The following PPARG variants were observed in gnomAD, a reference collection of about 807,000 sequenced individuals.
PPARG encodes the protein peroxisome proliferator-activated receptor gamma.
A neutral mutation model predicts 39.2 loss-of-function variants in PPARG; 17 were observed. That is an observed-to-expected ratio of 0.43 (90% CI 0.30 to 0.65). PPARG has a LOEUF of 0.65. PPARG is among the 30% of genes least tolerant of loss of function. The pLI is 0.13. For synonymous variants in PPARG, 223 were observed against 215.7 expected (o/e 1.03, Z -0.30); for missense variants, 406 against 585.9 (o/e 0.69, Z 3.17).
intron 7 of PPARG, 91 bp downstream of exon 7, chr3:12,417,245 A>G (rs1290070496): frequency 3.1e-6 from 4 of 1,298,916 alleles, no homozygotes; most frequent in Non-Finnish European, 4.3e-6. Flanking sequence ...GTTAGTCTGC[A>G]TTGTCACTTT....
At chr3:12,301,479 T>C (rs2046924490) in intron 1 of PPARG, 3 of 152,214 alleles carry the variant, frequency 2.0e-5, no homozygotes. Flanking sequence ...GAATCACAAG[T>C]ATTATCATCA....
At chr3:12,406,532 C>CTTTTT (rs10540594) in intron 6 of PPARG, 760 of 60,464 alleles carry the variant, frequency 0.013, 83 homozygotes, top group Middle Eastern at 0.03. Flanking sequence ...AGAGTTACCT[C>CTTTTT]TTTTTTTTTT....
chr3:12,309,240 G>T lies in PPARG; in HGVS notation c.-82-3140G>T, dbSNP rs189623365. 1.8e-3 allele frequency among the ~76,000 whole-genome samples: 270 copies of T among 152,254 alleles called. 2 individuals carry two copies. Among genetic ancestry groups the T allele is most frequent in the African/African-American group, 6.2e-3 (258 of 41,570 alleles). ...AATATTCTTGTTTTTAAAGTTTCAT[G>T]CTTTTTAAAAGAAATTTTGTCAAGA... On this transcript the variant is annotated intron_variant, in intron 1 of 7. Coordinates refer to ENST00000651735, the MANE Select transcript of PPARG (RefSeq NM_138711.6).
intron 2 of PPARG, among the ~76,000 whole-genome samples, chr3:12,368,469 A>C (rs936037885): frequency 1.3e-5 from 2 of 152,184 alleles, no homozygotes; most frequent in Admixed American, 1.3e-4. Context: ...AACGTGAGCC[A>C]CCACGCCCAG....
intron 6 of PPARG, among the ~76,000 whole-genome samples, chr3:12,416,070 T>C (rs2051046260): frequency 6.6e-6 from 1 of 152,232 alleles, no homozygotes; most frequent in Non-Finnish European, 1.5e-5. Flanking sequence ...AACAGTAGAT[T>C]TTGTATCATT....
In PPARG at chr3:12,416,852, A is replaced by G; in HGVS notation, c.878A>G (p.Glu293Gly). 1 of 1,614,188 alleles carries G rather than the reference A, an allele frequency of 6.2e-7. No individual in the cohort carries two copies. Among genetic ancestry groups the G allele is most frequent in the Non-Finnish European group, 8.5e-7 (1 of 1,180,020 alleles). Residue 293 changes from glutamate (E) to glycine (G), a missense_variant, in exon 7 of 8, where the codon GAG becomes GGG. Around this residue, in one of 2 missense-constraint regions of PPARG, gnomAD observed 275 missense variants for 458.0 expected, o/e 0.60. Coordinates refer to ENST00000651735, the MANE Select transcript of PPARG (RefSeq NM_138711.6). Reference sequence around the variant, plus strand: ...TTTCGCTCCGTGGAGGCTGTGCAGGAGATCACAGAGTATGCCAAAAGCATT... The same window carrying G: ...TTTCGCTCCGTGGAGGCTGTGCAGGGGATCACAGAGTATGCCAAAAGCATT... ...CQFRSVEAVQ[E>G]ITEYAKSIPG...
At chr3:12,299,665 T>C (rs1351949455) in intron 1 of PPARG, among the ~76,000 whole-genome samples, 1 of 152,210 alleles carries the variant, frequency 6.6e-6, no homozygotes, top group Non-Finnish European at 1.5e-5. Flanking sequence ...GTTTTCACAG[T>C]AGATTTAAGT....
chr3:12,361,344 A>G (rs765796849), intron 2 of PPARG, among the ~76,000 whole-genome samples: 15 of 152,208 alleles, frequency 9.9e-5, no homozygotes, highest in Non-Finnish European at 2.1e-4. Flanking sequence ...CTTAATAAAC[A>G]GATATTTCTA....
intron 5 of PPARG, among the ~76,000 whole-genome samples, chr3:12,394,658 TAAC>T (rs962487775): frequency 2.0e-5 from 3 of 152,188 alleles, no homozygotes; most frequent in African/African-American, 7.2e-5. Flanking sequence ...ATTGCAAACA[TAAC>T]TAAGAAAACC....
chr3:12,294,503 G>C (rs1331719047), intron 1 of PPARG, among the ~76,000 whole-genome samples: 1 of 152,174 alleles, frequency 6.6e-6, no homozygotes, highest in Non-Finnish European at 1.5e-5. Context: ...CTTCCTAATA[G>C]ATTGAAATGA....
intron 2 of PPARG, among the ~76,000 whole-genome samples, chr3:12,330,302 T>TAAAAAAAA (rs67976990): frequency 1.7e-5 from 2 of 121,064 alleles, no homozygotes; most frequent in African/African-American, 6.2e-5. Flanking sequence ...CACCTTTTTT[T>TAAAAAAAA]AAAAAAAAAA....
At chr3:12,354,579 C>A (rs1172688023) in intron 2 of PPARG, among the ~76,000 whole-genome samples, 3 of 151,952 alleles carry the variant, frequency 2.0e-5, no homozygotes, top group Non-Finnish European at 4.4e-5. Flanking sequence ...CGATGAAACC[C>A]TGTCTCTACT....
At chr3:12,405,109 A>C (rs2050613476) in intron 5 of PPARG, among the ~76,000 whole-genome samples, 1 of 152,256 alleles carries the variant, frequency 6.6e-6, no homozygotes, top group South Asian at 2.1e-4. Context: ...ATTGGTAAGA[A>C]GGAAAGAAAA....
At chr3:12,390,379 C>T (rs1258263014) in intron 4 of PPARG, among the ~76,000 whole-genome samples, 2 of 152,042 alleles carry the variant, frequency 1.3e-5, no homozygotes, top group Non-Finnish European at 2.9e-5. Context: ...ATTGATATTT[C>T]AAACGTCCAT....
At chr3:12,380,719 G>A (rs941933701) in intron 3 of PPARG, among the ~76,000 whole-genome samples, 4 of 152,100 alleles carry the variant, frequency 2.6e-5, no homozygotes, top group African/African-American at 9.7e-5. Context: ...AAATTTAGTA[G>A]CCCTGAGCCC....
chr3:12,396,700 G>C (rs969151591), intron 5 of PPARG, among the ~76,000 whole-genome samples: 1 of 149,830 alleles, frequency 6.7e-6, no homozygotes, highest in Non-Finnish European at 1.5e-5. Flanking sequence ...GGAAGTTGCA[G>C]TGAGCCATGA....
intron 6 of PPARG, among the ~76,000 whole-genome samples, chr3:12,416,418 A>G (rs2051057417): frequency 1.3e-5 from 1 of 79,758 alleles, no homozygotes; most frequent in South Asian, 3.2e-4. Context: ...AACAATGAAG[A>G]CTCCCCAAAC....
At chr3:12,295,897 G>C (rs1002596957) in intron 1 of PPARG, among the ~76,000 whole-genome samples, 16 of 152,188 alleles carry the variant, frequency 1.1e-4, no homozygotes, top group African/African-American at 3.4e-4. Context: ...TTGAAGGCAG[G>C]TACTGACTGA....
intron 2 of PPARG, among the ~76,000 whole-genome samples, chr3:12,327,713 C>T (rs1286925961): frequency 6.6e-6 from 1 of 152,120 alleles, no homozygotes; most frequent in African/African-American, 2.4e-5. Context: ...GGACAGTTGA[C>T]TTAGATTCAG....
Sources: allele counts gnomAD v4.1 joint callset (sites outside exome capture counted in the v4.1 genomes callset), GRCh38; gene constraint gnomAD v4.1.1; regional missense constraint gnomAD v4.1.1; transcripts MANE v1.5; gene names NCBI Gene and HGNC (gene_info 2026-07-23, HGNC 2026-07-21).